KCNH8: variants seen among roughly 807,000 people sequenced by gnomAD.
KCNH8 encodes voltage-gated delayed rectifier potassium channel KCNH8.
Under a neutral mutation model 103.6 loss-of-function variants are expected in KCNH8, and 70 were observed. That is an observed-to-expected ratio of 0.68 (90% confidence interval 0.56 to 0.82). The LOEUF is 0.82. KCNH8 is among the 40% of genes least tolerant of loss of function. The pLI is 0.00. For missense variants in KCNH8, 1,217 were observed against 1,329.9 expected (o/e 0.92, Z 1.32); for synonymous variants, 498 against 489.4 (o/e 1.02, Z -0.23).
chr3:19,507,883 C>A (rs1405681300), intron 11 of KCNH8, among the ~76,000 whole-genome samples: 2 of 152,262 alleles, frequency 1.3e-5, no homozygotes, highest in South Asian at 2.1e-4. Flanking sequence ...CAGGAAAACA[C>A]GGAGCTGCTA....
At chr3:19,359,357 TTG>T (rs1313114146) in intron 5 of KCNH8, among the ~76,000 whole-genome samples, 1 of 145,784 alleles carries the variant, frequency 6.9e-6, no homozygotes, top group Non-Finnish European at 1.5e-5. Context: ...TATATGTGTG[TTG>T]TGTGTGCATG....
rs747317598 is a variant in KCNH8 at position 19,342,618 on chromosome 3, C to A, written c.474C>A (p.Thr158=). ...DKVKGRSRAG[T]HFDSARRRSR... is the part of the protein sequence containing the mutation. ...TCAAAGGAAGATCAAGAGCAGGGAC[C>A]CACTTTGACTCAGCCCGGAGACGGA... The change falls in exon 4 of 16, where the codon ACC becomes ACA. Residue 158 remains threonine, a synonymous_variant. Coordinates refer to ENST00000328405, the MANE Select transcript of KCNH8 (RefSeq NM_144633.3). 6.2e-7 allele frequency: 1 copy of A among 1,610,696 alleles called. No homozygotes were observed.
intron 3 of KCNH8, among the ~76,000 whole-genome samples, chr3:19,318,079 A>C (rs766033242): frequency 6.6e-6 from 1 of 151,934 alleles, no homozygotes; most frequent in South Asian, 2.1e-4. Flanking sequence ...GGAAATTTCC[A>C]TCATATCAAC....
intron 7 of KCNH8, among the ~76,000 whole-genome samples, chr3:19,403,385 T>C (rs2066643781): frequency 1.4e-5 from 1 of 71,288 alleles, no homozygotes; most frequent in African/African-American, 6.6e-5. Context: ...TATATATATA[T>C]ATATATATAT....
At chr3:19,322,909 A>T (rs563494620) in intron 3 of KCNH8, among the ~76,000 whole-genome samples, 2 of 151,806 alleles carry the variant, frequency 1.3e-5, no homozygotes, top group African/African-American at 4.8e-5. Flanking sequence ...CTTTGTCTTT[A>T]TTGGCTTGGG....
intron 5 of KCNH8, among the ~76,000 whole-genome samples, chr3:19,351,381 A>G (rs1245027079): frequency 6.6e-6 from 1 of 152,150 alleles, no homozygotes; most frequent in East Asian, 1.9e-4. Context: ...GGAAATACAG[A>G]GAATGCCACA....
intron 15 of KCNH8, among the ~76,000 whole-genome samples, chr3:19,529,281 TTTTG>T (rs756391862): frequency 1.2e-4 from 19 of 152,186 alleles, no homozygotes; most frequent in Non-Finnish European, 2.4e-4. Flanking sequence ...ATCAGAACGA[TTTTG>T]TTTGTTTTAA....
chr3:19,295,993 GA>G (rs541492188), intron 3 of KCNH8, among the ~76,000 whole-genome samples: 3 of 152,048 alleles, frequency 2.0e-5, no homozygotes, highest in South Asian at 4.2e-4. Context: ...CAGACAGTAG[GA>G]AAAAAAGTGT....
intron 1 of KCNH8, among the ~76,000 whole-genome samples, chr3:19,151,180 C>T (rs1187936886): frequency 1.3e-5 from 2 of 152,032 alleles, no homozygotes; most frequent in African/African-American, 2.4e-5. Flanking sequence ...CTTGTTGATA[C>T]AGTTTTGTAA....
chr3:19,186,852 C>T (rs967964813), intron 1 of KCNH8, among the ~76,000 whole-genome samples: 9 of 151,834 alleles, frequency 5.9e-5, no homozygotes, highest in Non-Finnish European at 8.8e-5. Flanking sequence ...ATGGAGACAC[C>T]CAGTAATGTT....
intron 5 of KCNH8, among the ~76,000 whole-genome samples, chr3:19,351,163 A>G (rs988863843): frequency 6.6e-6 from 1 of 152,124 alleles, no homozygotes; most frequent in African/African-American, 2.4e-5. Context: ...AATGAAATGA[A>G]GCAAGAAGAG....
chr3:19,171,762 C>A (rs924794754), intron 1 of KCNH8, among the ~76,000 whole-genome samples: 4 of 152,176 alleles, frequency 2.6e-5, no homozygotes, highest in African/African-American at 9.7e-5. Flanking sequence ...TCTCATTAAT[C>A]CAGAGTGAGA....
intron 1 of KCNH8, among the ~76,000 whole-genome samples, chr3:19,235,022 G>A (rs571227542): frequency 2.6e-5 from 4 of 152,254 alleles, no homozygotes; most frequent in South Asian, 4.1e-4. Flanking sequence ...TGTATAGTTC[G>A]CGCTTATCTC....
In KCNH8 at chr3:19,305,104, GA is replaced by G. The variant is rs976869588; in HGVS notation, c.442+23786del. Among the ~76,000 whole-genome samples, 408 of 144,054 alleles carry G rather than the reference GA, an allele frequency of 2.8e-3. 1 individual carries two copies. The highest frequency in any genetic ancestry group is 7.6e-3 in the African/African-American group (301 of 39,572). The allele number at this position is 144,054 out of a possible 152,430, so 94.5% of individuals were successfully genotyped here. A position where few individuals can be genotyped will look rare whatever the true frequency, so the allele number is the denominator to read the frequency against. On this transcript the variant is annotated intron_variant, in intron 3 of 15. Transcript: ENST00000328405. Reference sequence around the variant, plus strand: ...AGATAATTCGACTTCCAGAAAAAAGGAAAAAAAAAAAGTGCTATACGAAGGA... The same window carrying G: ...AGATAATTCGACTTCCAGAAAAAAGGAAAAAAAAAAGTGCTATACGAAGGA...
chr3:19,370,625 A>G (rs1195524680), intron 5 of KCNH8, among the ~76,000 whole-genome samples: 2 of 152,192 alleles, frequency 1.3e-5, no homozygotes, highest in African/African-American at 4.8e-5. Flanking sequence ...ATTTTTAATT[A>G]TACTTTAAGT....
chr3:19,343,105 T>C (rs1194101663), intron 4 of KCNH8, among the ~76,000 whole-genome samples: 2 of 152,130 alleles, frequency 1.3e-5, no homozygotes, highest in African/African-American at 4.8e-5. Context: ...TTTTGCATAT[T>C]ATCTAGTTCT....
chr3:19,488,474 G>A (rs931569981), intron 11 of KCNH8, among the ~76,000 whole-genome samples: 1 of 152,134 alleles, frequency 6.6e-6, no homozygotes, highest in Non-Finnish European at 1.5e-5. Flanking sequence ...GTTATCTTCT[G>A]TGCTTTGACT....
intron 3 of KCNH8, among the ~76,000 whole-genome samples, chr3:19,321,816 C>T (rs2065354224): frequency 6.6e-6 from 1 of 151,892 alleles, no homozygotes; most frequent in Admixed American, 6.6e-5. Flanking sequence ...CTGTCTATGT[C>T]ATTTCTTAGA....
At chr3:19,276,543 A>T (rs1159591314) in intron 2 of KCNH8, among the ~76,000 whole-genome samples, 1 of 152,120 alleles carries the variant, frequency 6.6e-6, no homozygotes, top group Admixed American at 6.6e-5. Context: ...TGAGCAATGC[A>T]CTATTTCCCA....
Sources: gnomAD v4.1 joint callset for allele counts (sites outside exome capture counted in the v4.1 genomes callset) on GRCh38, gnomAD v4.1.1 for gene constraint, MANE v1.5 for transcripts, NCBI Gene and HGNC (gene_info 2026-07-23, HGNC 2026-07-21) for gene names.